Variants in MPDZ observed in about 807,000 individuals in gnomAD.
MPDZ encodes the protein multiple PDZ domain protein.
MPDZ carries 234 observed loss-of-function variants against 239.1 expected under a neutral mutation model. That is an observed-to-expected ratio of 0.98 (90% CI 0.88 to 1.09). MPDZ has a LOEUF of 1.09. Among genes scored for constraint, MPDZ ranks in the 50% least tolerant of loss-of-function variants. The pLI is 0.00. For missense variants in MPDZ, 3,175 were observed against 2,510.0 expected, an observed-to-expected ratio of 1.26 and a Z score of -5.66; for synonymous variants, 1,048 against 881.3, an observed-to-expected ratio of 1.19 and a Z score of -3.35.
rs186091917 is a variant in MPDZ, at chr9:13,254,422, G to C, written c.-57-4050C>G. Among the ~76,000 whole-genome samples the C allele has an allele frequency of 3.3e-5, 5 of 152,128 alleles. No homozygotes were observed. The East Asian group carries it at 9.7e-4, about 29-fold the overall frequency. ...CAAAAACATTGCTTTTACATTTCAA[G>C]GTACTAAATCCCTCAACACAAAGAG... On this transcript the variant is annotated intron_variant, in intron 1 of 46. Transcript: ENST00000319217.
chr9:13,267,356 A>C (rs139365210), intron 1 of MPDZ, among the ~76,000 whole-genome samples: 1 of 152,282 alleles, frequency 6.6e-6, no homozygotes, highest in Non-Finnish European at 1.5e-5. Context: ...TAATCCTACC[A>C]AGAGCTCCAT....
At chr9:13,229,933 G>T (rs968320369) in intron 3 of MPDZ, among the ~76,000 whole-genome samples, 8 of 151,684 alleles carry the variant, frequency 5.3e-5, no homozygotes, top group African/African-American at 1.9e-4. Context: ...ATAAGTCAAG[G>T]ATACATATAT....
At chr9:13,204,759 A>C (rs553654777) in intron 12 of MPDZ, among the ~76,000 whole-genome samples, 11 of 152,196 alleles carry the variant, frequency 7.2e-5, no homozygotes, top group Non-Finnish European at 1.5e-4. Flanking sequence ...ATTCCTAAGG[A>C]GTTCTGGTCA....
At chr9:13,269,718 A>G (rs1432310289) in intron 1 of MPDZ, among the ~76,000 whole-genome samples, 3 of 152,234 alleles carry the variant, frequency 2.0e-5, no homozygotes, top group African/African-American at 7.2e-5. Context: ...CTCTGCCAGC[A>G]AAGAGATGTT....
At chr9:13,237,095 A>C (rs532007127) in intron 3 of MPDZ, among the ~76,000 whole-genome samples, 1 of 152,182 alleles carries the variant, frequency 6.6e-6, no homozygotes, top group African/African-American at 2.4e-5. Context: ...AAACTTGTTA[A>C]TTTTATTAAA....
chr9:13,129,466 A>C (rs932886905), intron 32 of MPDZ, among the ~76,000 whole-genome samples: 1 of 130,432 alleles, frequency 7.7e-6, no homozygotes, highest in Non-Finnish European at 1.6e-5. Context: ...CAGTCTCAAA[A>C]ATAAATAAAT....
chr9:13,256,223 T>G (rs903238811), intron 1 of MPDZ, among the ~76,000 whole-genome samples: 13 of 152,240 alleles, frequency 8.5e-5, no homozygotes, highest in Non-Finnish European at 1.9e-4. Flanking sequence ...GTTAGGGTTT[T>G]GCTCTGTATT....
At chr9:13,136,325 C>CTTTTGTTTTTTTTTT (rs1946757534) in intron 30 of MPDZ, 143 bp from the exon 31 acceptor site, 2 of 146,224 alleles carry the variant, frequency 1.4e-5, no homozygotes, top group African/African-American at 1.2e-4. Context: ...CAAACGTTTT[C>CTTTTGTTTTTTTTTT]TTTTTTTTTT....
intron 10 of MPDZ, among the ~76,000 whole-genome samples, chr9:13,207,193 T>C (rs935441271): frequency 1.3e-5 from 2 of 152,158 alleles, no homozygotes; most frequent in Non-Finnish European, 2.9e-5. Context: ...AAAAATACAT[T>C]TGATTTTCCC....
At chr9:13,179,348 A>G (rs1233685485) in intron 19 of MPDZ, among the ~76,000 whole-genome samples, 2 of 152,142 alleles carry the variant, frequency 1.3e-5, no homozygotes, top group Non-Finnish European at 2.9e-5. Flanking sequence ...CATCTCCCCC[A>G]TGCCTCAAAG....
chr9:13,273,744 AATT>A (rs1432163306), intron 1 of MPDZ, among the ~76,000 whole-genome samples: 1 of 152,218 alleles, frequency 6.6e-6, no homozygotes, highest in Non-Finnish European at 1.5e-5. Context: ...ACTTTCTTCA[AATT>A]ATTATTTCAA....
intron 1 of MPDZ, among the ~76,000 whole-genome samples, chr9:13,277,134 G>A (rs1177981937): frequency 6.6e-6 from 1 of 152,114 alleles, no homozygotes; most frequent in African/African-American, 2.4e-5. Flanking sequence ...GTCTTTAAGG[G>A]TCAAGCAGAG....
chr9:13,278,330 G>T (rs1182177367), intron 1 of MPDZ, among the ~76,000 whole-genome samples: 1 of 152,100 alleles, frequency 6.6e-6, no homozygotes, highest in African/African-American at 2.4e-5. Flanking sequence ...CTTCCCAAGC[G>T]GAGCACCTCA....
intron 3 of MPDZ, among the ~76,000 whole-genome samples, chr9:13,240,645 TAA>T (rs1297925186): frequency 2.7e-5 from 4 of 148,344 alleles, no homozygotes; most frequent in Admixed American, 2.0e-4. Flanking sequence ...CAAATTCTCT[TAA>T]GTCTATCAAT....
chr9:13,178,491 TTC>T (rs1952816193), intron 19 of MPDZ, among the ~76,000 whole-genome samples: 1 of 152,156 alleles, frequency 6.6e-6, no homozygotes, highest in South Asian at 2.1e-4. Flanking sequence ...TATCCGATTT[TTC>T]TCTGAGTTCA....
At chr9:13,251,128 C>CAAAAAAA (rs150252589) in intron 1 of MPDZ, among the ~76,000 whole-genome samples, 5 of 36,390 alleles carry the variant, frequency 1.4e-4, no homozygotes, top group Non-Finnish European at 1.9e-4. Context: ...GACTCCATCT[C>CAAAAAAA]AAAAAAAAAA....
In MPDZ at chr9:13,196,008, C is replaced by T. The variant is rs144913500; in HGVS notation, c.1656+113G>A. The T allele has an allele frequency of 4.3e-4, 291 of 670,852 alleles. 1 individual carries two copies. The African/African-American group carries it at 5.0e-3, about 12-fold the overall frequency. 41.6% of individuals were successfully genotyped at this position (670,852 alleles called of 1,614,324 possible). On this transcript the variant is annotated intron_variant, in intron 13 of 46. Coordinates refer to ENST00000319217, the MANE Select transcript of MPDZ (RefSeq NM_001378778.1). ...CCATATTTAGGTTGTCTAAAAAAGG[C>T]CTGTACATTTGATTCTTCTCTGGAA... is the stretch of plus-strand genomic sequence containing the variant.
At chr9:13,189,422 C>T (rs895210839) in intron 16 of MPDZ, among the ~76,000 whole-genome samples, 2 of 151,946 alleles carry the variant, frequency 1.3e-5, no homozygotes, top group Admixed American at 6.6e-5. Flanking sequence ...AGGACCCATC[C>T]TTTTGAAATG....
At chr9:13,219,795 G>C (rs767055868) in intron 7 of MPDZ, 27 bp from the exon 8 acceptor site, 25 of 1,591,058 alleles carry the variant, frequency 1.6e-5, no homozygotes, top group Admixed American at 6.7e-5. Context: ...TGAATAATTA[G>C]ACTATTATTA....
Sources: allele counts gnomAD v4.1 joint callset (sites outside exome capture counted in the v4.1 genomes callset), GRCh38; gene constraint gnomAD v4.1.1; transcripts MANE v1.5; gene names NCBI Gene and HGNC (gene_info 2026-07-23, HGNC 2026-07-21).